The following SPATA19 variants were observed in gnomAD, a reference collection of about 807,000 sequenced individuals.
SPATA19 encodes the protein spermatogenesis associated 19.
A neutral mutation model predicts 25.0 loss-of-function variants in SPATA19; 19 were observed. The ratio of observed to expected loss-of-function variants is 0.76; its 90% CI spans 0.53 to 1.11. The LOEUF (loss-of-function observed/expected upper bound fraction) is 1.11. SPATA19 is among the 50% of genes most tolerant of loss of function. The probability of loss-of-function intolerance (pLI) is 0.00; values close to 1 mark genes in which losing one functional copy is unlikely to be tolerated. For missense variants in SPATA19, 222 were observed against 211.4 expected, an observed-to-expected ratio of 1.05 and a Z score of -0.31; for synonymous variants, 64 against 69.3, an observed-to-expected ratio of 0.92 and a Z score of 0.38.
downstream of SPATA19, among the ~76,000 whole-genome samples, chr11:133,837,059 G>A (rs924503515): frequency 2.0e-5 from 3 of 152,158 alleles, no homozygotes; most frequent in African/African-American, 7.2e-5. Flanking sequence ...AGTGCTCAGC[G>A]AACATCAGTG....
At chr11:133,836,284 CTCCCTCGCCCTACCTTACTGGA>C (rs1243898890), downstream of SPATA19, among the ~76,000 whole-genome samples, 15 of 152,248 alleles carry the variant, frequency 9.9e-5, no homozygotes, top group African/African-American at 3.6e-4. Flanking sequence ...TCATCCTCTA[CTCCCTCGCCCTACCTTACTGGA>C]GCATGCAGGC....
At chr11:133,839,241 T>C (rs1373756867), downstream of SPATA19, among the ~76,000 whole-genome samples, 4 of 152,294 alleles carry the variant, frequency 2.6e-5, no homozygotes, top group East Asian at 1.9e-4. Context: ...CGTATGTTTA[T>C]TGCGGCACTA....
chr11:133,838,829 T>C (rs915889555), downstream of SPATA19, among the ~76,000 whole-genome samples: 1 of 151,978 alleles, frequency 6.6e-6, no homozygotes, highest in Non-Finnish European at 1.5e-5. Context: ...TAAACAAATT[T>C]ACAAGAAAAA....
chr11:133,839,851 GAGA>G (rs1242134843), downstream of SPATA19, among the ~76,000 whole-genome samples: 2 of 152,050 alleles, frequency 1.3e-5, no homozygotes, highest in Non-Finnish European at 2.9e-5. Flanking sequence ...AATAAAAAGA[GAGA>G]AGAATACCCG....
intron 4 of SPATA19, 103 bp from the exon 5 acceptor site, chr11:133,842,665 C>A: frequency 1.1e-6 from 1 of 918,448 alleles, no homozygotes; most frequent in African/African-American, 1.6e-5. Flanking sequence ...TGACTCTTGC[C>A]CTGACACCAT....
chr11:133,843,842 G>A (rs1938362973), intron 4 of SPATA19, among the ~76,000 whole-genome samples: 1 of 152,246 alleles, frequency 6.6e-6, no homozygotes, highest in Non-Finnish European at 1.5e-5. Context: ...ATAACCGAGT[G>A]CAGAATTCTA....
chr11:133,844,284 G>C lies in SPATA19; in HGVS notation c.321C>G (p.Val107=). The part of the protein sequence containing the change: ...SDLLANQSQE[V]LEERTRIQFI... ...ACTGGATTCGTGTTCTCTCCTCTAG[G>C]ACCTCTTGGCTCTGGTTTGCCAACA... is the stretch of plus-strand genomic sequence containing the variant. The change falls in exon 4 of 7, where the codon GTC becomes GTG. Residue 107 remains valine (V), a synonymous_variant. Coordinates refer to ENST00000299140, the MANE Select transcript of SPATA19 (RefSeq NM_174927.3). 1 of 1,614,148 alleles carries C rather than the reference G, an allele frequency of 6.2e-7. No homozygotes were observed. The highest frequency in any genetic ancestry group is 8.5e-7 in the Non-Finnish European group (1 of 1,180,042).
chr11:133,843,353 G>A (rs911264557), intron 4 of SPATA19, among the ~76,000 whole-genome samples: 1 of 152,082 alleles, frequency 6.6e-6, no homozygotes, highest in African/African-American at 2.4e-5. Context: ...GATTTTAGGG[G>A]CCTCAGAAGG....
At chr11:133,843,491 T>A (rs1276215942) in intron 4 of SPATA19, among the ~76,000 whole-genome samples, 1 of 152,086 alleles carries the variant, frequency 6.6e-6, no homozygotes, top group African/African-American at 2.4e-5. Flanking sequence ...GGTAAGCACA[T>A]GGAAACCGTT....
intron 6 of SPATA19, 69 bp downstream of exon 6, chr11:133,841,961 C>T: frequency 1.4e-6 from 2 of 1,422,070 alleles, no homozygotes; most frequent in Non-Finnish European, 2.0e-6. Flanking sequence ...TTCCCAGCTG[C>T]AGTGCCCCTT....
At chr11:133,842,905 C>T in intron 4 of SPATA19, among the ~76,000 whole-genome samples, 1 of 152,174 alleles carries the variant, frequency 6.6e-6, no homozygotes, top group East Asian at 1.9e-4. Context: ...CTATCATCAG[C>T]TCTTGATGAC....
At position 133,844,644 on chromosome 11, in the gene SPATA19, A is replaced by C. The variant is rs1938383323; in HGVS notation, c.136-4T>G. ...CCCGAGAAGCCTCTTCTTCTGTCTG[A>C]AAGGTGAGAAATTCCCTCTGAAAAT... On this transcript the variant is annotated splice_region_variant and splice_polypyrimidine_tract_variant and intron_variant, in intron 2 of 6. Coordinates refer to ENST00000299140, the MANE Select transcript of SPATA19 (RefSeq NM_174927.3). 1.3e-6 allele frequency: 2 copies of C among 1,588,750 alleles called. No homozygotes were observed. Among genetic ancestry groups the C allele is most frequent in the Non-Finnish European group, 1.7e-6 (2 of 1,167,898 alleles).
chr11:133,844,409 C>A, intron 3 of SPATA19, 72 bp from the exon 4 acceptor site: 2 of 1,609,424 alleles, frequency 1.2e-6, no homozygotes, highest in East Asian at 4.5e-5. Context: ...AGAGCCCAGA[C>A]GAGCACCTCA....
chr11:133,844,455 C>A, intron 3 of SPATA19, 54 bp downstream of exon 3: 1 of 1,613,660 alleles, frequency 6.2e-7, no homozygotes, highest in African/African-American at 1.3e-5. Context: ...CACCTCCCAC[C>A]TCTCCCCTCT....
intron 4 of SPATA19, among the ~76,000 whole-genome samples, chr11:133,843,114 T>C (rs1195974868): frequency 6.6e-6 from 1 of 152,188 alleles, no homozygotes; most frequent in Non-Finnish European, 1.5e-5. Flanking sequence ...AGGCTTTTGG[T>C]TTAAAATCTT....
downstream of SPATA19, among the ~76,000 whole-genome samples, chr11:133,837,902 C>A (rs535427236): frequency 2.6e-5 from 4 of 152,134 alleles, no homozygotes; most frequent in South Asian, 8.3e-4. Context: ...TAAGAAGGAG[C>A]CTCTAGGGAC....
chr11:133,840,943 G>A lies in SPATA19; in HGVS notation c.*10-20C>T, dbSNP rs1033903515. 2.0e-5 allele frequency: 3 copies of A among 152,306 alleles called. No homozygotes were observed. In the East Asian group the frequency reaches 5.8e-4, roughly 29 times the overall value. 9.4% of individuals were successfully genotyped at this position (152,306 alleles called of 1,614,324 possible). On this transcript the variant is annotated intron_variant, in intron 6 of 6. Transcript: ENST00000299140. ...CTCCATCTAGAGAGCAGAAACCCAT[G>A]GAAGAATCGTCAGTGGTGCATCAGG... is the stretch of plus-strand genomic sequence containing the variant.
downstream of SPATA19, among the ~76,000 whole-genome samples, chr11:133,836,801 G>A (rs2723613): frequency 0.32 from 49,271 of 152,056 alleles, 9,079 homozygotes; most frequent in East Asian, 0.6. Flanking sequence ...GCAGGGACCA[G>A]GTGGGTCTTA....
intron 5 of SPATA19, 141 bp downstream of exon 5, chr11:133,842,344 C>A (rs1053583724): frequency 1.4e-5 from 11 of 778,400 alleles, no homozygotes; most frequent in Non-Finnish European, 2.3e-5. Context: ...CAAGACGCAG[C>A]CCTGGGAACT....
Sources: allele counts gnomAD v4.1 joint callset (sites outside exome capture counted in the v4.1 genomes callset), GRCh38; gene constraint gnomAD v4.1.1; transcripts MANE v1.5; gene names NCBI Gene and HGNC (gene_info 2026-07-23, HGNC 2026-07-21).